NEB: variants seen among roughly 807,000 people sequenced by gnomAD.
NEB encodes the protein nebulin.
NEB carries 512 observed loss-of-function variants against 952.2 expected under a neutral mutation model. That is an observed-to-expected ratio of 0.54 (90% CI 0.50 to 0.58). The LOEUF (loss-of-function observed/expected upper bound fraction) is 0.58, where lower values mean the gene tolerates loss of function less well. Among genes scored for constraint, NEB ranks in the 20% least tolerant of loss-of-function variants. The pLI is 0.00. For missense variants in NEB, 8,428 were observed against 9,231.1 expected (o/e 0.91, Z 3.56); for synonymous variants, 2,900 against 3,149.8 (o/e 0.92, Z 2.66).
At chr2:151,570,735 A>G (rs7568873) in intron 107 of NEB, 134 bp from the exon 108 acceptor site, 498,465 of 751,224 alleles carry the variant, frequency 0.66, 167,371 homozygotes, top group East Asian at 0.82. Context: ...AAGAGCATAG[A>G]TGAGAATCAT....
chr2:151,710,551 A>C lies in NEB; in HGVS notation c.823-13T>G. On this transcript the variant is annotated splice_polypyrimidine_tract_variant and intron_variant, in intron 10 of 181. Transcript: ENST00000397345. ...CTTTGTATTTTTGCTAGAAAAAAGA[A>C]AAAGAAAATAAGACAAGCATAACTC... 1.3e-6 allele frequency: 2 copies of C among 1,501,536 alleles called. No individual in the cohort carries two copies. Among genetic ancestry groups the C allele is most frequent in the Non-Finnish European group, 1.8e-6 (2 of 1,086,974 alleles). The allele number at this position is 1,501,536 out of a possible 1,614,324, so 93.0% of individuals were successfully genotyped here. A position where few individuals can be genotyped will look rare whatever the true frequency, so the allele number is the denominator to read the frequency against.
chr2:151,650,959 CT>C, intron 52 of NEB, 74 bp from the exon 53 acceptor site: 1 of 1,379,892 alleles, frequency 7.2e-7, no homozygotes, highest in Admixed American at 2.3e-5. Context: ...TTTTTCTTTT[CT>C]TTCTTTCTTT....
In NEB at chr2:151,490,511, A is replaced by G; in HGVS notation, c.25158T>C (p.Ala8386=). ...SRSLHMINVQ[A]QRRSREQSRS... ...GTGACTGCTCCCGGCTCCGGCGCTG[A>G]GCTTGGACTGGGAGAGATGCAGTTG... The change falls in exon 180 of 182, where the codon GCT becomes GCC. Residue 8386 remains alanine (A), a synonymous_variant. Transcript: ENST00000397345. The G allele has an allele frequency of 6.2e-7, 1 of 1,608,954 alleles. No homozygotes were observed.
rs1324616356 is a variant in NEB, at chr2:151,565,071, G to A, written c.18444C>T (p.Ser6148=). ...FSPDTPHISH[S]KDMGKLYSTI... ...TACTGTAGAGTTTTCCCATGTCTTT[G>A]GAGTGGGAGATATGTGGTGTATCTG... Residue 6148 remains serine, a synonymous_variant, in exon 117 of 182, where the codon TCC becomes TCT. Coordinates refer to ENST00000397345, the MANE Select transcript of NEB (RefSeq NM_001164508.2). 5.7e-6 allele frequency: 9 copies of A among 1,591,122 alleles called. No homozygotes were observed. Among genetic ancestry groups the A allele is most frequent in the Non-Finnish European group, 7.7e-6 (9 of 1,161,466 alleles).
chr2:151,544,826 A>G (rs1402325738), intron 135 of NEB, among the ~76,000 whole-genome samples: 4 of 152,234 alleles, frequency 2.6e-5, no homozygotes, highest in Admixed American at 2.6e-4. Context: ...CTGGAAGCCA[A>G]TGCTCAGCTG....
intron 168 of NEB, among the ~76,000 whole-genome samples, chr2:151,499,966 A>T (rs1223799758): frequency 6.6e-6 from 1 of 152,168 alleles, no homozygotes; most frequent in Admixed American, 6.5e-5. Context: ...TGGTTACTTT[A>T]AAAAAAGTCC....
At chr2:151,673,701 G>T (rs1049945114) in intron 36 of NEB, among the ~76,000 whole-genome samples, 2 of 151,024 alleles carry the variant, frequency 1.3e-5, no homozygotes, top group Non-Finnish European at 2.9e-5. Flanking sequence ...ACTCTGCAGG[G>T]CATGCATGCT....
At chr2:151,529,493 G>A (rs2089178389) in intron 145 of NEB, among the ~76,000 whole-genome samples, 179 bp from the exon 146 acceptor site, 1 of 151,850 alleles carries the variant, frequency 6.6e-6, no homozygotes, top group Non-Finnish European at 1.5e-5. Context: ...TCCTATCTCA[G>A]ATCAGGGCAC....
At chr2:151,510,996 T>A (rs540390514) in intron 161 of NEB, among the ~76,000 whole-genome samples, 18 of 152,338 alleles carry the variant, frequency 1.2e-4, no homozygotes, top group Non-Finnish European at 1.8e-4. Flanking sequence ...CTGATCTGAA[T>A]TGGGGAGGAA....
At chr2:151,496,460 A>C in intron 172 of NEB, 92 bp from the exon 173 acceptor site, 1 of 1,481,060 alleles carries the variant, frequency 6.8e-7, no homozygotes. Context: ...CCTTGTTAAG[A>C]AAACACAGTC....
chr2:151,553,330 A>G, intron 127 of NEB, 68 bp downstream of exon 127: 1 of 1,299,762 alleles, frequency 7.7e-7, no homozygotes, highest in Non-Finnish European at 1.1e-6. Context: ...TATTTTACAT[A>G]ACCTCCTCTT....
At chr2:151,494,933 C>A (rs56080930) in intron 173 of NEB, 32,294 of 153,236 alleles carry the variant, frequency 0.21, 3,959 homozygotes, top group South Asian at 0.44. Context: ...CAGGCGTGAG[C>A]CACCACACCT....
rs746300613 is a variant in NEB at position 151,620,986 on chromosome 2, C to T, written c.10493G>A (p.Gly3498Asp). Reference sequence around the variant, plus strand: ...AATGGCATCACTTCTCAAGTCATAGCCTTCTTTCTTGGCTTCTTCCATGGC... The same window carrying T: ...AATGGCATCACTTCTCAAGTCATAGTCTTCTTTCTTGGCTTCTTCCATGGC... Reference protein sequence around the residue: ...RQAMEEAKKEGYDLRSDAIPI... With the variant: ...RQAMEEAKKEDYDLRSDAIPI... Residue 3498 changes from glycine to aspartate, a missense_variant, in exon 72 of 182, where the codon GGC (glycine) becomes GAC (aspartate). By Grantham distance (94) the Gly-to-Asp change is moderately conservative. Transcript: ENST00000397345. The T allele has an allele frequency of 1.9e-6, 3 of 1,612,700 alleles. No individual in the cohort carries two copies. Among genetic ancestry groups the T allele is most frequent in the Non-Finnish European group, 1.7e-6 (2 of 1,179,388 alleles).
At chr2:151,524,650 G>C (rs1474667445) in intron 151 of NEB, 34 bp from the exon 152 acceptor site, 7 of 512,628 alleles carry the variant, frequency 1.4e-5, no homozygotes, top group Middle Eastern at 5.7e-4. Context: ...ACTCAAGAGA[G>C]AGGCTTTTTT....
Position 151,636,263 on chromosome 2 carries a change from G to C in NEB, c.9066C>G (p.Ile3022Met), listed in dbSNP as rs751919085. The C allele has an allele frequency of 1.2e-6, 2 of 1,610,366 alleles. No homozygotes were observed. Among genetic ancestry groups the C allele is most frequent in the Non-Finnish European group, 1.7e-6 (2 of 1,179,762 alleles). The stretch of plus-strand genomic sequence containing the variant: ...TGTCCCTGGAGGCCTTGGCCGCCAC[G>C]ATGGGGATGGCGTCGCTTCGCAAGT... ...GYDLRSDAIPIVAAKASRDII... is the reference protein window; with the variant it reads ...GYDLRSDAIPMVAAKASRDII... Residue 3022 changes from isoleucine to methionine, a missense_variant, in exon 64 of 182, where the codon ATC (isoleucine) becomes ATG (methionine). Ile to Met is a conservative substitution (Grantham distance 10, BLOSUM62 1). Coordinates refer to ENST00000397345, the MANE Select transcript of NEB (RefSeq NM_001164508.2).
chr2:151,706,643 TC>T (rs2099707640), intron 13 of NEB, among the ~76,000 whole-genome samples: 1 of 152,048 alleles, frequency 6.6e-6, no homozygotes, highest in Non-Finnish European at 1.5e-5. Context: ...TGCCCAGAGC[TC>T]CTAAGCAAGT....
rs1266908490 is a variant in NEB, at chr2:151,507,628, C to T, written c.23451+377G>A. On this transcript the variant is annotated intron_variant, in intron 162 of 181. Coordinates refer to ENST00000397345, the MANE Select transcript of NEB (RefSeq NM_001164508.2). The stretch of plus-strand genomic sequence containing the variant: ...CCAATCACACTTCCGCATCTCTATC[C>T]ATAAAAATACACATATTTCCCTGTT... 4.2e-5 allele frequency: 9 copies of T among 216,216 alleles called. No individual in the cohort carries two copies. In the Admixed American group the frequency reaches 4.7e-4, roughly 11 times the overall value. 13.4% of individuals were successfully genotyped at this position (216,216 alleles called of 1,614,324 possible).
Position 151,627,671 on chromosome 2 carries a change from G to A in NEB, c.9995C>T (p.Pro3332Leu). The A allele has an allele frequency of 1.2e-6, 2 of 1,613,940 alleles. No individual in the cohort carries two copies. Among genetic ancestry groups the A allele is most frequent in the Non-Finnish European group, 1.7e-6 (2 of 1,179,864 alleles). ...FEKWKTKFSSPVDMLGVVLAK... is the reference protein window; with the variant it reads ...FEKWKTKFSSLVDMLGVVLAK... ...TAACACCACTCCCAGCATGTCCACTGGGCTGCTGAACTTGGTCTTCCACTT... is the reference window on the plus strand; with the variant it reads ...TAACACCACTCCCAGCATGTCCACTAGGCTGCTGAACTTGGTCTTCCACTT... The change falls in exon 69 of 182, where the codon CCA becomes CTA. Residue 3332 changes from proline (P) to leucine (L), a missense_variant. By Grantham distance (98) the Pro-to-Leu change is moderately conservative. Coordinates refer to ENST00000397345, the MANE Select transcript of NEB (RefSeq NM_001164508.2).
chr2:151,538,497 G>C (rs1013884792), intron 138 of NEB, among the ~76,000 whole-genome samples: 14 of 152,186 alleles, frequency 9.2e-5, no homozygotes, highest in African/African-American at 3.4e-4. Flanking sequence ...ATCTACGATG[G>C]TGATACAGGT....
Sources: allele counts gnomAD v4.1 joint callset (sites outside exome capture counted in the v4.1 genomes callset), GRCh38; gene constraint gnomAD v4.1.1; transcripts MANE v1.5; gene names NCBI Gene and HGNC (gene_info 2026-07-23, HGNC 2026-07-21).